TNRC6A: variants seen among roughly 807,000 people sequenced by gnomAD.
The protein encoded by TNRC6A is trinucleotide repeat containing adaptor 6A.
In TNRC6A, 44 loss-of-function variants were observed where a neutral mutation model predicts 221.2. The ratio of observed to expected loss-of-function variants is 0.20; its 90% CI spans 0.16 to 0.26. TNRC6A has a LOEUF of 0.26. Among genes scored for constraint, TNRC6A ranks in the 10% least tolerant of loss-of-function variants. The probability of loss-of-function intolerance (pLI) is 1.00; values close to 1 mark genes in which losing one functional copy is unlikely to be tolerated. For synonymous variants in TNRC6A, 847 were observed against 838.5 expected, an observed-to-expected ratio of 1.01 and a Z score of -0.18; for missense variants, 2,199 against 2,404.4, an observed-to-expected ratio of 0.91 and a Z score of 1.79.
rs149786252 is a variant in TNRC6A at position 24,664,769 on chromosome 16, TCACACACACA to T, written n.402+23795_402+23804del. The stretch of plus-strand genomic sequence containing the variant: ...AGGGTGCCTTGCAGTAATCCCCAAA[TCACACACACA>T]CACACACACACACACACACACACAC... On this transcript the variant is annotated intron_variant and non_coding_transcript_variant, in intron 2 of 2. Coordinates refer to the TNRC6A transcript ENST00000566108. The T allele has an allele frequency of 2.2e-3, 673 of 301,644 alleles. 7 individuals are homozygous for T. Among genetic ancestry groups the T allele is most frequent in the African/African-American group, 0.015 (595 of 40,366 alleles). 18.7% of individuals were successfully genotyped at this position (301,644 alleles called of 1,614,324 possible).
chr16:24,729,704 G>T lies in TNRC6A; in HGVS notation c.-138G>T. On this transcript the variant is annotated 5_prime_UTR_variant, in exon 1 of 25. Coordinates refer to ENST00000395799, the MANE Select transcript of TNRC6A (RefSeq NM_014494.4). Reference sequence around the variant, plus strand: ...CGGTGTCGGCGGCGGCGGCGGCGGCGGCGGCGGCGGCGGCAGCGGGTCGGT... The same window carrying T: ...CGGTGTCGGCGGCGGCGGCGGCGGCTGCGGCGGCGGCGGCAGCGGGTCGGT... 3 of 1,038,516 alleles carry T rather than the reference G, an allele frequency of 2.9e-6. No homozygotes were observed. Among genetic ancestry groups the T allele is most frequent in the South Asian group, 3.1e-5 (1 of 32,148 alleles). 64.3% of individuals were successfully genotyped at this position (1,038,516 alleles called of 1,614,324 possible).
chr16:24,724,123 G>A (rs1259480530), intron 2 of TNRC6A, among the ~76,000 whole-genome samples: 2 of 152,166 alleles, frequency 1.3e-5, no homozygotes, highest in Non-Finnish European at 2.9e-5. Context: ...TGATTATCAT[G>A]TTGGGATAGA....
intron 23 of TNRC6A, 61 bp downstream of exon 23, chr16:24,822,208 C>T (rs757150367): frequency 6.1e-5 from 95 of 1,547,704 alleles, no homozygotes; most frequent in Non-Finnish European, 8.1e-5. Flanking sequence ...AACAGAGGTT[C>T]GGGTCTGTAT....
At chr16:24,757,712 A>G (rs974623698) in intron 3 of TNRC6A, among the ~76,000 whole-genome samples, 2 of 152,244 alleles carry the variant, frequency 1.3e-5, no homozygotes, top group Admixed American at 1.3e-4. Context: ...AGTTCATGTC[A>G]GTTCAGCTTC....
At chr16:24,625,603 G>A (rs900340748) in intron 1 of TNRC6A, among the ~76,000 whole-genome samples, 7 of 152,028 alleles carry the variant, frequency 4.6e-5, no homozygotes, top group Non-Finnish European at 8.8e-5. Context: ...GCGGGCGCCT[G>A]TAGTCCCAGC....
At position 24,789,771 on chromosome 16, in the gene TNRC6A, G is replaced by T; in HGVS notation, c.1129G>T (p.Gly377Ter). 6.2e-7 allele frequency: 1 copy of T among 1,614,158 alleles called. No homozygotes were observed. The highest frequency in any genetic ancestry group is 1.1e-5 in the South Asian group (1 of 91,076). ...TGCCTGGCCAGTATTAGAGAACAAT[G>T]GACTTGCCCTAAAAGGGCCTGTAGG... ...HGAWPVLENNGLALKGPVGSG... is the reference protein window; with the variant it reads ...HGAWPVLENN Residue 377 changes from glycine to a stop codon, truncating the protein, a stop_gained, in exon 6 of 25, where the codon GGA (glycine) becomes TGA (stop). Transcript: ENST00000395799. LOFTEE classifies it high-confidence loss of function.
intron 1 of TNRC6A, among the ~76,000 whole-genome samples, chr16:24,621,782 T>C (rs1048536602): frequency 3.9e-5 from 6 of 152,152 alleles, no homozygotes; most frequent in African/African-American, 1.4e-4. Context: ...AAGTGTTTCA[T>C]TAGAGTATAA....
chr16:24,664,909 G>C (rs1419479726), intron 2 of TNRC6A: 4 of 455,846 alleles, frequency 8.8e-6, no homozygotes, highest in East Asian at 7.0e-5. Flanking sequence ...GGTGGAGAAC[G>C]GAAGTGACGA....
chr16:24,640,667 T>G (rs1365065265), intron 1 of TNRC6A, among the ~76,000 whole-genome samples: 4 of 148,258 alleles, frequency 2.7e-5, no homozygotes, highest in Admixed American at 6.8e-5. Context: ...AGGCGGAAGT[T>G]GCAGTGAACC....
Position 24,820,426 on chromosome 16 carries a change from C to T in TNRC6A, c.5302+66C>T, listed in dbSNP as rs188387675. The T allele has an allele frequency of 1.2e-4, 172 of 1,443,420 alleles. 1 individual carries two copies. The highest frequency in any genetic ancestry group is 3.5e-4 in the Middle Eastern group (2 of 5,704). 89.4% of individuals were successfully genotyped at this position (1,443,420 alleles called of 1,614,324 possible). A position where few individuals can be genotyped will look rare whatever the true frequency, so the allele number is the denominator to read the frequency against. On this transcript the variant is annotated intron_variant, in intron 22 of 24. Transcript: ENST00000395799. Reference sequence around the variant, plus strand: ...CTAAACGCTAACCAGTACTAACAGTCGAGTTTAACAGAGACCTGAACGGTA... The same window carrying T: ...CTAAACGCTAACCAGTACTAACAGTTGAGTTTAACAGAGACCTGAACGGTA...
At chr16:24,682,470 T>C (rs2055552180) in intron 2 of TNRC6A, among the ~76,000 whole-genome samples, 1 of 151,248 alleles carries the variant, frequency 6.6e-6, no homozygotes. Flanking sequence ...TCAAGCGGTC[T>C]GCCTGCCTCG....
intron 4 of TNRC6A, among the ~76,000 whole-genome samples, chr16:24,772,266 T>TA (rs1277250704): frequency 1.3e-5 from 2 of 152,240 alleles, no homozygotes; most frequent in African/African-American, 4.8e-5. Flanking sequence ...TAGCCTGACT[T>TA]ATTGGTAACA....
chr16:24,615,264 G>A (rs1900284270), intron 1 of TNRC6A, among the ~76,000 whole-genome samples: 1 of 152,156 alleles, frequency 6.6e-6, no homozygotes. Flanking sequence ...GAAAGACTAG[G>A]AGAGGAGAAG....
chr16:24,700,668 G>A (rs1189476537), intron 2 of TNRC6A, among the ~76,000 whole-genome samples: 1 of 152,116 alleles, frequency 6.6e-6, no homozygotes, highest in Non-Finnish European at 1.5e-5. Context: ...TATTGGCTGT[G>A]CTCAGTAACT....
chr16:24,636,123 C>T (rs78477353), intron 1 of TNRC6A, among the ~76,000 whole-genome samples: 3,523 of 152,280 alleles, frequency 0.023, 71 homozygotes, highest in Middle Eastern at 0.075. Flanking sequence ...TGACGGAAAC[C>T]GTCTTCTTTA....
intron 2 of TNRC6A, among the ~76,000 whole-genome samples, chr16:24,669,968 T>C (rs1345551481): frequency 8.6e-6 from 1 of 115,962 alleles, no homozygotes; most frequent in Non-Finnish European, 1.7e-5. Flanking sequence ...TTTTTTTTTT[T>C]AGACAGAGTC....
intron 11 of TNRC6A, among the ~76,000 whole-genome samples, chr16:24,800,467 G>A (rs530647707): frequency 6.9e-4 from 105 of 152,324 alleles, no homozygotes; most frequent in Admixed American, 6.0e-3. Context: ...GCTGTGACAT[G>A]AGCTCCTCAG....
At chr16:24,793,090 GTACAGATGTTATA>G (rs2058144357) in intron 6 of TNRC6A, among the ~76,000 whole-genome samples, 1 of 152,136 alleles carries the variant, frequency 6.6e-6, no homozygotes, top group Middle Eastern at 3.4e-3. Flanking sequence ...TACCCAGCTG[GTACAGATGTTATA>G]CATACACTGT....
In TNRC6A at chr16:24,613,614, G is replaced by A. The variant is rs559766456; in HGVS notation, n.276+3130G>A. On this transcript the variant is annotated intron_variant and non_coding_transcript_variant, in intron 1 of 2. Transcript: ENST00000566108. The stretch of plus-strand genomic sequence containing the variant: ...TCGATCTCGGGTCACTGCAACCTCC[G>A]CCTCCCAGGTTCAAGCAATTCTCCC... Among the ~76,000 whole-genome samples, 8 of 151,604 alleles carry A rather than the reference G, an allele frequency of 5.3e-5. 1 individual carries two copies. The highest frequency in any genetic ancestry group is 5.3e-4 in the Admixed American group (8 of 15,188).
Sources: gnomAD v4.1 joint callset for allele counts (sites outside exome capture counted in the v4.1 genomes callset) on GRCh38, gnomAD v4.1.1 for gene constraint, MANE v1.5 for transcripts, NCBI Gene and HGNC (gene_info 2026-07-23, HGNC 2026-07-21) for gene names.